CATSPERE: variants seen among roughly 807,000 people sequenced by gnomAD.
CATSPERE encodes cation channel sperm-associated auxiliary subunit epsilon.
A neutral mutation model predicts 114.1 loss-of-function variants in CATSPERE; 93 were observed. The observed-to-expected ratio is 0.81, with a 90% CI of 0.69 to 0.97. CATSPERE has a LOEUF of 0.97. CATSPERE is among the 50% of genes least tolerant of loss of function. The probability of loss-of-function intolerance (pLI) is 0.00; values close to 1 mark genes in which losing one functional copy is unlikely to be tolerated. For synonymous variants in CATSPERE, 341 were observed against 384.1 expected (o/e 0.89, Z 1.31); for missense variants, 1,058 against 1,131.6 (o/e 0.93, Z 0.93).
chr1:244,561,100 C>A lies in CATSPERE; in HGVS notation c.1462C>A (p.Leu488Ile), dbSNP rs541101780. ...ACAGACACCTGCAGGACATGGAAAT[C>A]TATCAATGCTATCAAATGACAGCAT... ...ILQTPAGHGN[L>I]SMLSNDSIIH... is the part of the protein sequence containing the mutation. The change falls in exon 10 of 22, where the codon CTA becomes ATA. Residue 488 changes from leucine to isoleucine, a missense_variant. Leu to Ile is a conservative substitution (Grantham distance 5, BLOSUM62 2). Coordinates refer to ENST00000366534, the MANE Select transcript of CATSPERE (RefSeq NM_001130957.2). The A allele has an allele frequency of 5.0e-6, 8 of 1,608,490 alleles. No individual in the cohort carries two copies. In the Admixed American group the frequency reaches 1.2e-4, roughly 23 times the overall value.
chr1:244,513,931 A>G lies in CATSPERE; in HGVS notation c.430-4661A>G, dbSNP rs182675872. Among the ~76,000 whole-genome samples, 85 of 152,288 alleles carry G rather than the reference A, an allele frequency of 5.6e-4. 1 individual carries two copies. Among genetic ancestry groups the G allele is most frequent in the African/African-American group, 1.9e-3 (78 of 41,554 alleles). ...CCTGTGCTCCCAGACTCATTTTTTAATTAGGTTGTTTGGTGTTATTTTTTA... is the reference window on the plus strand; with the variant it reads ...CCTGTGCTCCCAGACTCATTTTTTAGTTAGGTTGTTTGGTGTTATTTTTTA... On this transcript the variant is annotated intron_variant, in intron 7 of 21. Coordinates refer to ENST00000366534, the MANE Select transcript of CATSPERE (RefSeq NM_001130957.2).
chr1:244,542,849 G>A (rs1659079079), intron 8 of CATSPERE, among the ~76,000 whole-genome samples: 2 of 151,928 alleles, frequency 1.3e-5, no homozygotes, highest in East Asian at 1.9e-4. Flanking sequence ...CAATACAATA[G>A]GTATGTGAAA....
intron 7 of CATSPERE, among the ~76,000 whole-genome samples, chr1:244,500,906 A>G (rs1219639853): frequency 6.6e-6 from 1 of 152,196 alleles, no homozygotes; most frequent in African/African-American, 2.4e-5. Flanking sequence ...CTTGATGGGA[A>G]TAGCATTGAA....
intron 20 of CATSPERE, among the ~76,000 whole-genome samples, chr1:244,619,263 T>C (rs1671787990): frequency 6.6e-6 from 1 of 152,138 alleles, no homozygotes; most frequent in Admixed American, 6.5e-5. Context: ...ATGGAAGGGC[T>C]TTGGGGGACA....
chr1:244,474,675 A>G (rs945416025), intron 2 of CATSPERE, among the ~76,000 whole-genome samples: 27 of 147,510 alleles, frequency 1.8e-4, no homozygotes, highest in Non-Finnish European at 3.4e-4. Flanking sequence ...CCTATCTTTC[A>G]TATTTGTTGC....
chr1:244,452,099 C>G (rs1291471069), upstream of CATSPERE: 2 of 288,560 alleles, frequency 6.9e-6, no homozygotes, highest in African/African-American at 4.4e-5. Flanking sequence ...CGGACCGAGG[C>G]CACGCCCCTT....
At chr1:244,472,615 A>C (rs960805872) in intron 2 of CATSPERE, among the ~76,000 whole-genome samples, 3 of 152,218 alleles carry the variant, frequency 2.0e-5, no homozygotes, top group Non-Finnish European at 2.9e-5. Flanking sequence ...TGATGAGCCA[A>C]TATTGATACA....
chr1:244,477,797 A>C lies in CATSPERE; in HGVS notation c.189-109A>C, dbSNP rs979210475. The C allele has an allele frequency of 3.5e-5, 35 of 989,420 alleles. No individual in the cohort carries two copies. In the African/African-American group the frequency reaches 5.9e-4, roughly 17 times the overall value. The allele number at this position is 989,420 out of a possible 1,614,324, so 61.3% of individuals were successfully genotyped here. A position where few individuals can be genotyped will look rare whatever the true frequency, so the allele number is the denominator to read the frequency against. ...TAAAATATTGCAAATATTTAAAAATATCTCTTATCAGCATACAATTGAAAT... is the reference window on the plus strand; with the variant it reads ...TAAAATATTGCAAATATTTAAAAATCTCTCTTATCAGCATACAATTGAAAT... On this transcript the variant is annotated intron_variant, in intron 3 of 21. Transcript: ENST00000366534.
At chr1:244,635,432 C>T (rs1020311688) in intron 20 of CATSPERE, 57 bp from the exon 21 acceptor site, 6 of 1,257,894 alleles carry the variant, frequency 4.8e-6, no homozygotes, top group Admixed American at 1.7e-5. Flanking sequence ...ACATGGAGAG[C>T]GTTTTAAAAT....
intron 8 of CATSPERE, among the ~76,000 whole-genome samples, chr1:244,521,966 A>C (rs1448191958): frequency 6.6e-6 from 1 of 152,174 alleles, no homozygotes; most frequent in Non-Finnish European, 1.5e-5. Flanking sequence ...AATTGAACTC[A>C]GCTCTGCACC....
At chr1:244,489,572 C>G (rs1034066711) in intron 5 of CATSPERE, among the ~76,000 whole-genome samples, 8 of 142,390 alleles carry the variant, frequency 5.6e-5, no homozygotes, top group African/African-American at 2.1e-4. Flanking sequence ...CTCAGGCTGG[C>G]TAATGGGGTT....
intron 2 of CATSPERE, among the ~76,000 whole-genome samples, chr1:244,470,926 T>C (rs1347462818): frequency 6.6e-6 from 1 of 152,194 alleles, no homozygotes; most frequent in African/African-American, 2.4e-5. Context: ...GGACCACATG[T>C]TGTATGATTT....
chr1:244,524,245 T>C lies in CATSPERE; in HGVS notation c.536+5547T>C, dbSNP rs200105000. On this transcript the variant is annotated intron_variant, in intron 8 of 21. Coordinates refer to ENST00000366534, the MANE Select transcript of CATSPERE (RefSeq NM_001130957.2). ...AAAAACAAGCAATGGGGAAAGGATT[T>C]CCTATTTAATAAATGGTGCTGGGAA... Among the ~76,000 whole-genome samples, 278 of 139,380 alleles carry C rather than the reference T, an allele frequency of 2.0e-3. 2 individuals carry two copies. The highest frequency in any genetic ancestry group is 1.8e-3 in the Non-Finnish European group (116 of 64,378). The allele number at this position is 139,380 out of a possible 152,430, so 91.4% of individuals were successfully genotyped here.
chr1:244,621,315 AATATATAT>A (rs201672348), intron 20 of CATSPERE, among the ~76,000 whole-genome samples: 1 of 26,320 alleles, frequency 3.8e-5, no homozygotes, highest in Admixed American at 6.8e-4. Context: ...AAATATATAA[AATATATAT>A]ATATATATAT....
intron 1 of CATSPERE, 69 bp downstream of exon 1, chr1:244,461,563 C>T: frequency 3.3e-6 from 4 of 1,215,598 alleles, no homozygotes; most frequent in Non-Finnish European, 4.2e-6. Context: ...GCGGGAGGGT[C>T]CTGCTCTCCA....
intron 18 of CATSPERE, among the ~76,000 whole-genome samples, chr1:244,606,166 C>T (rs1669973177): frequency 4.6e-5 from 7 of 152,198 alleles, no homozygotes. Context: ...CACTTGACTT[C>T]CCTGCATCAT....
intron 2 of CATSPERE, among the ~76,000 whole-genome samples, chr1:244,466,749 T>G (rs997128663): frequency 6.6e-6 from 1 of 152,176 alleles, no homozygotes; most frequent in Non-Finnish European, 1.5e-5. Flanking sequence ...AGTCAAAAAG[T>G]TGCTGTTGCC....
chr1:244,531,100 G>C (rs572690922), intron 8 of CATSPERE, among the ~76,000 whole-genome samples: 1 of 151,870 alleles, frequency 6.6e-6, no homozygotes, highest in African/African-American at 2.4e-5. Flanking sequence ...GCCGGGTGTG[G>C]TGGCATGTGC....
chr1:244,525,764 A>G (rs571791160), intron 8 of CATSPERE, among the ~76,000 whole-genome samples: 38 of 152,322 alleles, frequency 2.5e-4, no homozygotes, highest in Admixed American at 1.6e-3. Flanking sequence ...AAAGAAGAAG[A>G]AAGAAACTTT....
Sources: allele counts gnomAD v4.1 joint callset (sites outside exome capture counted in the v4.1 genomes callset), GRCh38; gene constraint gnomAD v4.1.1; transcripts MANE v1.5; gene names NCBI Gene and HGNC (gene_info 2026-07-23, HGNC 2026-07-21).